The following BMPR1A variants were observed in gnomAD, a reference collection of about 807,000 sequenced individuals.
BMPR1A encodes bone morphogenetic protein receptor type-1A.
In BMPR1A, 7 loss-of-function variants were observed where a neutral mutation model predicts 66.0. That is an observed-to-expected ratio of 0.11 (90% CI 0.06 to 0.20). BMPR1A has a LOEUF of 0.20. Ranked by LOEUF, BMPR1A falls within the 10% of genes least tolerant of loss-of-function variation. BMPR1A has a pLI of 1.00. For missense variants in BMPR1A, 408 were observed against 669.1 expected, an observed-to-expected ratio of 0.61 and a Z score of 4.31; for synonymous variants, 200 against 229.7, an observed-to-expected ratio of 0.87 and a Z score of 1.17.
intron 8 of BMPR1A, among the ~76,000 whole-genome samples, chr10:86,912,979 A>G (rs180756954): frequency 2.3e-4 from 35 of 152,238 alleles, no homozygotes; most frequent in African/African-American, 8.4e-4. Flanking sequence ...AGGTTCATTT[A>G]TATATGGAAA....
At chr10:86,877,301 G>A (rs942809689) in intron 3 of BMPR1A, among the ~76,000 whole-genome samples, 64 of 150,464 alleles carry the variant, frequency 4.3e-4, no homozygotes, top group African/African-American at 1.4e-3. Flanking sequence ...TCCGCCTCCC[G>A]GGTTCACGCC....
intron 2 of BMPR1A, among the ~76,000 whole-genome samples, chr10:86,873,127 G>A (rs968859792): frequency 3.3e-5 from 5 of 152,118 alleles, no homozygotes; most frequent in African/African-American, 1.2e-4. Context: ...AATGAGACAA[G>A]GCCACATATT....
At chr10:86,852,728 A>T (rs1180837664) in intron 2 of BMPR1A, among the ~76,000 whole-genome samples, 1 of 152,198 alleles carries the variant, frequency 6.6e-6, no homozygotes, top group African/African-American at 2.4e-5. Flanking sequence ...TACAGATAAA[A>T]GCTAACAATT....
At chr10:86,782,860 C>T (rs192562098) in intron 1 of BMPR1A, among the ~76,000 whole-genome samples, 1 of 152,182 alleles carries the variant, frequency 6.6e-6, no homozygotes, top group East Asian at 1.9e-4. Context: ...TGCCTTGCTG[C>T]ACAGAAGTTT....
chr10:86,760,516 G>C (rs576301195), intron 1 of BMPR1A, among the ~76,000 whole-genome samples: 87 of 152,148 alleles, frequency 5.7e-4, no homozygotes, highest in African/African-American at 1.9e-3. Context: ...GGTTACACAG[G>C]TGAGGCACTG....
intron 1 of BMPR1A, among the ~76,000 whole-genome samples, chr10:86,837,231 C>CTGTGTGTGTGTGTGTGTG (rs140440137): frequency 0.11 from 15,108 of 143,444 alleles, 1,253 homozygotes; most frequent in East Asian, 0.44. Context: ...TAGAATCAGG[C>CTGTGTGTGTGTGTGTGTG]TGTGTGTGTG....
At chr10:86,851,532 C>T (rs1231740741) in intron 2 of BMPR1A, among the ~76,000 whole-genome samples, 1 of 152,152 alleles carries the variant, frequency 6.6e-6, no homozygotes, top group Non-Finnish European at 1.5e-5. Context: ...GTGAACATTG[C>T]TCAAGATCTG....
intron 2 of BMPR1A, among the ~76,000 whole-genome samples, chr10:86,841,980 A>T (rs760574141): frequency 2.6e-5 from 4 of 152,204 alleles, no homozygotes; most frequent in Non-Finnish European, 5.9e-5. Context: ...ATCCCCTATA[A>T]TAAACCTGTA....
intron 1 of BMPR1A, among the ~76,000 whole-genome samples, chr10:86,817,971 A>G (rs948509021): frequency 1.6e-4 from 25 of 152,240 alleles, no homozygotes; most frequent in Non-Finnish European, 3.7e-4. Context: ...AAGTACTAGC[A>G]GAGTTTCCTC....
chr10:86,837,247 C>CTCTG (rs1554883389), intron 1 of BMPR1A, among the ~76,000 whole-genome samples: 1 of 138,106 alleles, frequency 7.2e-6, no homozygotes, highest in Non-Finnish European at 1.6e-5. Context: ...GTGTGTGTGT[C>CTCTG]TGTGTGTGTG....
chr10:86,930,577 C>G (rs1843797749), downstream of BMPR1A: 1 of 152,224 alleles, frequency 6.6e-6, no homozygotes. Context: ...TGCGCCCAGC[C>G]CATAATCTCC....
At chr10:86,897,012 C>T (rs1327029307) in intron 5 of BMPR1A, among the ~76,000 whole-genome samples, 24 of 152,148 alleles carry the variant, frequency 1.6e-4, no homozygotes. Context: ...GATGTGAGTG[C>T]CTCTCACCAG....
rs533607236 is a variant in BMPR1A at position 86,859,540 on chromosome 10, C to T, written c.-152-16327C>T. Among the ~76,000 whole-genome samples, 93 of 152,216 alleles carry T rather than the reference C, an allele frequency of 6.1e-4. No individual in the cohort carries two copies. The Middle Eastern group carries it at 0.014, about 22-fold the overall frequency. ...TGCTATACTTATTGAAAAGAAGAGACCGGAAGTGGTGGTTCATGCCTGTAA... is the reference window on the plus strand; with the variant it reads ...TGCTATACTTATTGAAAAGAAGAGATCGGAAGTGGTGGTTCATGCCTGTAA... On this transcript the variant is annotated intron_variant, in intron 2 of 12. Transcript: ENST00000372037.
At chr10:86,872,608 ATTATT>A (rs1305780849) in intron 2 of BMPR1A, among the ~76,000 whole-genome samples, 2 of 152,052 alleles carry the variant, frequency 1.3e-5, no homozygotes, top group Admixed American at 6.5e-5. Flanking sequence ...TGTGTTAGCT[ATTATT>A]TTATATGAGT....
At chr10:86,793,094 A>ACCCCCTC (rs1841653348) in intron 1 of BMPR1A, among the ~76,000 whole-genome samples, 1 of 106,032 alleles carries the variant, frequency 9.4e-6, no homozygotes, top group Non-Finnish European at 1.9e-5. Context: ...CCTGATCTAT[A>ACCCCCTC]CCCCCCCCCA....
At chr10:86,780,273 A>G (rs188331465) in intron 1 of BMPR1A, among the ~76,000 whole-genome samples, 85 of 152,186 alleles carry the variant, frequency 5.6e-4, no homozygotes, top group Non-Finnish European at 1.3e-4. Context: ...CATGATGTTA[A>G]TGGGTTCTTT....
rs534023257 is a variant in BMPR1A, at chr10:86,830,363, C to T, written c.-267-8502C>T. Among the ~76,000 whole-genome samples the T allele has an allele frequency of 7.0e-4, 107 of 152,314 alleles. 1 individual carries two copies. Among genetic ancestry groups the T allele is most frequent in the Middle Eastern group, 6.8e-3 (2 of 294 alleles). On this transcript the variant is annotated intron_variant, in intron 1 of 12. Transcript: ENST00000372037. ...GGGAGAAAAGTTCAGGAGCCTGGCT[C>T]ATTTGGTCAAGCAAAGAATCTTTGC...
intron 2 of BMPR1A, among the ~76,000 whole-genome samples, chr10:86,869,528 G>A (rs1186617530): frequency 1.3e-5 from 2 of 151,838 alleles, no homozygotes; most frequent in Non-Finnish European, 2.9e-5. Context: ...AGGCAGAGGC[G>A]GGAGGATCAC....
chr10:86,791,712 C>T (rs1841625918), intron 1 of BMPR1A, among the ~76,000 whole-genome samples: 1 of 74,342 alleles, frequency 1.3e-5, no homozygotes, highest in Admixed American at 1.4e-4. Flanking sequence ...TCCCTCCCTC[C>T]CTTCCTTCCT....
Sources: gnomAD v4.1 joint callset for allele counts (sites outside exome capture counted in the v4.1 genomes callset) on GRCh38, gnomAD v4.1.1 for gene constraint, MANE v1.5 for transcripts, NCBI Gene and HGNC (gene_info 2026-07-23, HGNC 2026-07-21) for gene names.